Variants in IRS1 observed in about 807,000 individuals in gnomAD.
IRS1 encodes insulin receptor substrate 1.
A neutral mutation model predicts 65.6 loss-of-function variants in IRS1; 34 were observed. That is an observed-to-expected ratio of 0.52 (90% CI 0.39 to 0.69). The LOEUF (loss-of-function observed/expected upper bound fraction) is 0.69, where lower values mean the gene tolerates loss of function less well. Ranked by LOEUF, IRS1 falls within the 30% of genes least tolerant of loss-of-function variation. The pLI is 0.00. For synonymous variants in IRS1, 699 were observed against 683.5 expected (o/e 1.02, Z -0.35); for missense variants, 1,641 against 1,720.2 (o/e 0.95, Z 0.81).
intron 1 of IRS1, among the ~76,000 whole-genome samples, chr2:226,743,179 A>C (rs1938473970): frequency 6.6e-6 from 1 of 152,164 alleles, no homozygotes; most frequent in Non-Finnish European, 1.5e-5. Context: ...ACAAAAAAAA[A>C]AAGTCCCTCT....
chr2:226,753,063 AG>A, intron 1 of IRS1, among the ~76,000 whole-genome samples: 1 of 152,224 alleles, frequency 6.6e-6, no homozygotes, highest in African/African-American at 2.4e-5. Flanking sequence ...AATGGCCCCG[AG>A]GGGGTGGCAA....
chr2:226,786,171 C>G (rs1939483611), intron 1 of IRS1, among the ~76,000 whole-genome samples: 1 of 149,770 alleles, frequency 6.7e-6, no homozygotes, highest in South Asian at 2.3e-4. Context: ...GGTTCCAAGT[C>G]TTTGCTATCG....
intron 1 of IRS1, among the ~76,000 whole-genome samples, chr2:226,771,854 TG>T (rs1158197261): frequency 3.3e-5 from 5 of 152,164 alleles, no homozygotes; most frequent in Non-Finnish European, 7.3e-5. Context: ...AACTATAAAA[TG>T]CATGTACCTA....
intron 1 of IRS1, among the ~76,000 whole-genome samples, chr2:226,748,934 A>G (rs570429305): frequency 7.9e-5 from 12 of 152,298 alleles, no homozygotes; most frequent in African/African-American, 2.9e-4. Flanking sequence ...GGCAGTGGTA[A>G]GAAGAACAGA....
Position 226,799,368 on chromosome 2 carries a change from C to A in IRS1, c.-630G>T. The stretch of plus-strand genomic sequence containing the variant: ...CGCGGCGCTGCGGCTGTTGCTGTTG[C>A]TGCTGCTGCTGCTGCTGCTGCTGCC... On this transcript the variant is annotated 5_prime_UTR_variant, in exon 1 of 2. Transcript: ENST00000305123. The surrounding 1 kb of genome is among the most constrained non-coding windows in gnomAD (Gnocchi z 6.1). The A allele has an allele frequency of 2.7e-6, 3 of 1,099,840 alleles. No homozygotes were observed. The South Asian group carries it at 4.8e-5, about 18-fold the overall frequency. 68.1% of individuals were successfully genotyped at this position (1,099,840 alleles called of 1,614,324 possible). A position where few individuals can be genotyped will look rare whatever the true frequency, so the allele number is the denominator to read the frequency against.
chr2:226,749,101 C>T (rs1224521025), intron 1 of IRS1, among the ~76,000 whole-genome samples: 2 of 152,200 alleles, frequency 1.3e-5, no homozygotes, highest in African/African-American at 2.4e-5. Context: ...CAAACATCAA[C>T]AGGCTATAAT....
In IRS1 at chr2:226,780,024, A is replaced by G. The variant is rs1939350496; in HGVS notation, c.*21+14965T>C. ...GGGCTAATTAGCAACAAAGAGGAAG[A>G]AAAAGGAGGAGCAATGGGACACATC... is the stretch of plus-strand genomic sequence containing the variant. On this transcript the variant is annotated intron_variant, in intron 1 of 1. Transcript: ENST00000305123. 2.0e-5 allele frequency among the ~76,000 whole-genome samples: 3 copies of G among 152,210 alleles called. No individual in the cohort carries two copies. In the South Asian group the frequency reaches 6.2e-4, roughly 32 times the overall value.
chr2:226,746,755 C>T (rs1938553381), intron 1 of IRS1, among the ~76,000 whole-genome samples: 2 of 151,698 alleles, frequency 1.3e-5, no homozygotes, highest in South Asian at 4.2e-4. Context: ...GTGGAAAAAG[C>T]CACTTGCTTA....
intron 1 of IRS1, among the ~76,000 whole-genome samples, chr2:226,745,003 C>T (rs1938510657): frequency 1.3e-5 from 2 of 151,954 alleles, no homozygotes; most frequent in African/African-American, 2.4e-5. Flanking sequence ...CCAGCTGAAA[C>T]TGATTATAAT....
At chr2:226,762,217 G>A (rs182562775) in intron 1 of IRS1, among the ~76,000 whole-genome samples, 166 of 152,216 alleles carry the variant, frequency 1.1e-3, no homozygotes, top group African/African-American at 3.7e-3. Context: ...CTATTCAGGG[G>A]TGGCATCCTC....
chr2:226,766,421 C>A (rs1027302666), intron 1 of IRS1, among the ~76,000 whole-genome samples: 1 of 151,350 alleles, frequency 6.6e-6, no homozygotes, highest in African/African-American at 2.4e-5. Context: ...GCCTTTGCCT[C>A]CCAAAGTGCT....
intron 1 of IRS1, among the ~76,000 whole-genome samples, chr2:226,741,012 T>A (rs1182346607): frequency 6.6e-6 from 1 of 152,094 alleles, no homozygotes. Flanking sequence ...AAAAAAAAAG[T>A]ATCTTGAATA....
At chr2:226,756,095 A>C (rs148446448) in intron 1 of IRS1, among the ~76,000 whole-genome samples, 1 of 152,358 alleles carries the variant, frequency 6.6e-6, no homozygotes, top group East Asian at 1.9e-4. Context: ...ATACAGGCCA[A>C]CTTCCATCAG....
At chr2:226,753,922 G>A (rs540324591) in intron 1 of IRS1, among the ~76,000 whole-genome samples, 22 of 152,198 alleles carry the variant, frequency 1.4e-4, no homozygotes, top group Non-Finnish European at 2.2e-4. Context: ...GTGTGATCAC[G>A]GCTCACTGCA....
intron 1 of IRS1, among the ~76,000 whole-genome samples, chr2:226,761,077 T>C (rs1019421942): frequency 6.6e-6 from 1 of 152,178 alleles, no homozygotes; most frequent in Non-Finnish European, 1.5e-5. Flanking sequence ...GCTGCTTCCA[T>C]GAAAACCAAC....
intron 1 of IRS1, among the ~76,000 whole-genome samples, chr2:226,767,042 G>A (rs1028361335): frequency 6.6e-6 from 1 of 151,810 alleles, no homozygotes; most frequent in Non-Finnish European, 1.5e-5. Context: ...GGCAATGAAG[G>A]TCAAAGCAAA....
chr2:226,738,691 A>G lies in IRS1; in HGVS notation c.*22-2441T>C, dbSNP rs183246663. ...GGAAACTCCCCACAACAAGCTCCAG[A>G]TCTCTTATTTACTGTCAAGATTCTC... is the stretch of plus-strand genomic sequence containing the variant. On this transcript the variant is annotated intron_variant, in intron 1 of 1. Transcript: ENST00000305123. 3.2e-4 allele frequency among the ~76,000 whole-genome samples: 49 copies of G among 152,244 alleles called. No homozygotes were observed. In the East Asian group the frequency reaches 9.1e-3, roughly 28 times the overall value.
intron 1 of IRS1, among the ~76,000 whole-genome samples, chr2:226,771,985 C>T (rs891736377): frequency 6.6e-6 from 1 of 152,182 alleles, no homozygotes; most frequent in African/African-American, 2.4e-5. Context: ...CTAATAAATG[C>T]AACCCAGTTT....
intron 1 of IRS1, among the ~76,000 whole-genome samples, chr2:226,769,567 C>G (rs1382927382): frequency 6.6e-6 from 1 of 152,100 alleles, no homozygotes; most frequent in Admixed American, 6.6e-5. Flanking sequence ...TTTAGGTTTC[C>G]GACGCGTTTC....
Sources: allele counts gnomAD v4.1 joint callset (sites outside exome capture counted in the v4.1 genomes callset), GRCh38; gene constraint gnomAD v4.1.1; non-coding constraint Gnocchi (gnomAD v3.1); transcripts MANE v1.5; gene names NCBI Gene and HGNC (gene_info 2026-07-23, HGNC 2026-07-21).